Variants in WWOX observed in about 807,000 individuals in gnomAD.
WWOX encodes WW domain-containing oxidoreductase.
A neutral mutation model predicts 46.2 loss-of-function variants in WWOX; 69 were observed. The ratio of observed to expected loss-of-function variants is 1.49; its 90% CI spans 1.23 to 1.82. The LOEUF (loss-of-function observed/expected upper bound fraction) is 1.82, where lower values mean the gene tolerates loss of function less well. Ranked by LOEUF, WWOX falls within the 40% of genes most tolerant of loss-of-function variation. The probability of loss-of-function intolerance (pLI) is 0.00; values close to 1 mark genes in which losing one functional copy is unlikely to be tolerated. For missense variants in WWOX, 919 were observed against 542.6 expected (o/e 1.69, Z -6.89); for synonymous variants, 359 against 202.6 (o/e 1.77, Z -6.56).
rs558399089 is a variant in WWOX at position 78,109,459 on chromosome 16, C to T, written c.173-319C>T. The stretch of plus-strand genomic sequence containing the variant: ...GTATGAATGACGTTGGGTGCCTGCC[C>T]TGCATATACATATGTTCTTTGAGCT... On this transcript the variant is annotated intron_variant, in intron 2 of 8. Transcript: ENST00000566780. Among the ~76,000 whole-genome samples, 4 of 152,300 alleles carry T rather than the reference C, an allele frequency of 2.6e-5. No individual in the cohort carries two copies. The East Asian group carries it at 5.8e-4, about 22-fold the overall frequency.
At chr16:78,123,073 G>A (rs915938255) in intron 4 of WWOX, among the ~76,000 whole-genome samples, 14 of 152,050 alleles carry the variant, frequency 9.2e-5, no homozygotes, top group Non-Finnish European at 1.9e-4. Flanking sequence ...GTTAAATAAT[G>A]TCTTTTACTT....
intron 8 of WWOX, among the ~76,000 whole-genome samples, chr16:78,544,716 A>T (rs1389158147): frequency 1.3e-5 from 2 of 152,124 alleles, no homozygotes; most frequent in South Asian, 4.2e-4. Context: ...CTCTACAAAA[A>T]ATTTAAAAAT....
In WWOX at chr16:78,347,226, C is replaced by G. The variant is rs531533414; in HGVS notation, c.517-39634C>G. On this transcript the variant is annotated intron_variant, in intron 5 of 8. Transcript: ENST00000566780. ...CCGCCCCCTCCATTCTCTTTCCATC[C>G]TTTAAATGTCAGTGTCCCCCACAAT... Among the ~76,000 whole-genome samples, 6 of 115,926 alleles carry G rather than the reference C, an allele frequency of 5.2e-5. 1 individual carries two copies. Among genetic ancestry groups the G allele is most frequent in the East Asian group, 3.9e-4 (2 of 5,154 alleles). 76.1% of individuals were successfully genotyped at this position (115,926 alleles called of 152,430 possible). A position where few individuals can be genotyped will look rare whatever the true frequency, so the allele number is the denominator to read the frequency against.
rs189719370 is a variant in WWOX, at chr16:79,103,100, T to C, written c.1057-108508T>C. 2.9e-3 allele frequency among the ~76,000 whole-genome samples: 438 copies of C among 152,256 alleles called. 4 individuals are homozygous for C. The highest frequency in any genetic ancestry group is 0.01 in the African/African-American group (422 of 41,520). ...CCTCTGGCAAAGGCAAATATTCACC[T>C]AAGTGGTTAAGTCTCTGGGCATATT... On this transcript the variant is annotated intron_variant, in intron 8 of 8. Coordinates refer to ENST00000566780, the MANE Select transcript of WWOX (RefSeq NM_016373.4).
chr16:78,676,319 C>T (rs553859379), intron 8 of WWOX, among the ~76,000 whole-genome samples: 5 of 152,072 alleles, frequency 3.3e-5, no homozygotes, highest in Admixed American at 6.5e-5. Flanking sequence ...ACTTTGTCCC[C>T]TTTTGTTCCT....
chr16:79,102,796 T>C (rs1252531399), intron 8 of WWOX, among the ~76,000 whole-genome samples: 10 of 152,190 alleles, frequency 6.6e-5, no homozygotes, highest in Admixed American at 1.3e-4. Context: ...TCTTTCTAGC[T>C]CACTCCTGCC....
chr16:79,018,149 G>A (rs1015503883), intron 8 of WWOX, among the ~76,000 whole-genome samples: 9 of 152,180 alleles, frequency 5.9e-5, no homozygotes, highest in East Asian at 1.9e-4. Flanking sequence ...AGAATCTTCC[G>A]GTTAAACACG....
At chr16:78,771,064 C>G (rs972264216) in intron 8 of WWOX, among the ~76,000 whole-genome samples, 7 of 152,192 alleles carry the variant, frequency 4.6e-5, no homozygotes, top group Admixed American at 1.3e-4. Context: ...GCCCTCAGGT[C>G]AGCCGGCATG....
chr16:79,126,924 T>G (rs944739476), intron 8 of WWOX, among the ~76,000 whole-genome samples: 1 of 151,638 alleles, frequency 6.6e-6, no homozygotes, highest in Non-Finnish European at 1.5e-5. Flanking sequence ...AAGGAGAGAG[T>G]GGGAAGTAAT....
intron 8 of WWOX, among the ~76,000 whole-genome samples, chr16:78,923,385 A>G (rs1345776926): frequency 6.6e-6 from 1 of 152,164 alleles, no homozygotes. Flanking sequence ...TCATTCTAAA[A>G]ATAGAGCAGT....
chr16:78,530,806 T>A (rs1249733761), intron 8 of WWOX, among the ~76,000 whole-genome samples: 1 of 152,212 alleles, frequency 6.6e-6, no homozygotes, highest in Non-Finnish European at 1.5e-5. Context: ...GGCATCTAGC[T>A]GCTGCTAGAG....
At chr16:78,789,922 C>T (rs1175247569) in intron 8 of WWOX, among the ~76,000 whole-genome samples, 1 of 152,134 alleles carries the variant, frequency 6.6e-6, no homozygotes, top group Non-Finnish European at 1.5e-5. Flanking sequence ...CCAATTCTGC[C>T]ACTTATTGTG....
In WWOX at chr16:78,345,537, G is replaced by A. The variant is rs149351120; in HGVS notation, c.517-41323G>A. On this transcript the variant is annotated intron_variant, in intron 5 of 8. Transcript: ENST00000566780. ...GGCACACCTGTAGTCCCATCTACTC[G>A]GGAGGCTGAGGTGGGAAGTTTGAAC... Among the ~76,000 whole-genome samples the A allele has an allele frequency of 3.5e-4, 27 of 76,138 alleles. No individual in the cohort carries two copies. In the East Asian group the frequency reaches 5.8e-3, roughly 16 times the overall value. The allele number at this position is 76,138 out of a possible 152,430, so 49.9% of individuals were successfully genotyped here.
intron 8 of WWOX, among the ~76,000 whole-genome samples, chr16:79,141,697 C>G (rs2050092192): frequency 6.6e-6 from 1 of 151,432 alleles, no homozygotes; most frequent in Non-Finnish European, 1.5e-5. Flanking sequence ...GGTTGACTCT[C>G]CAGTGCTTCT....
At chr16:78,432,007 G>C (rs1327349776) in intron 7 of WWOX, among the ~76,000 whole-genome samples, 3 of 152,106 alleles carry the variant, frequency 2.0e-5, no homozygotes, top group Admixed American at 1.3e-4. Context: ...TGAGCCACCA[G>C]ACATGACCTG....
At chr16:78,459,875 G>A (rs988000306) in intron 8 of WWOX, among the ~76,000 whole-genome samples, 4 of 151,612 alleles carry the variant, frequency 2.6e-5, no homozygotes, top group African/African-American at 7.3e-5. Context: ...TGCAATCATG[G>A]CTCACTGCAG....
chr16:78,106,885 C>T (rs567898351), intron 1 of WWOX, among the ~76,000 whole-genome samples: 1 of 152,294 alleles, frequency 6.6e-6, no homozygotes, highest in Non-Finnish European at 1.5e-5. Flanking sequence ...GTGGCAGTAG[C>T]CCTGAGGAGA....
chr16:78,797,690 G>C (rs6564588), intron 8 of WWOX, among the ~76,000 whole-genome samples: 1 of 152,130 alleles, frequency 6.6e-6, no homozygotes, highest in Non-Finnish European at 1.5e-5. Flanking sequence ...AAATCTCCAG[G>C]CAAAAATCCA....
chr16:78,800,210 G>C (rs1351284612), intron 8 of WWOX, among the ~76,000 whole-genome samples: 1 of 151,510 alleles, frequency 6.6e-6, no homozygotes, highest in Admixed American at 6.6e-5. Flanking sequence ...CGGTAGATGC[G>C]ATTTTAATGA....
Sources: allele counts gnomAD v4.1 joint callset (sites outside exome capture counted in the v4.1 genomes callset), GRCh38; gene constraint gnomAD v4.1.1; transcripts MANE v1.5; gene names NCBI Gene and HGNC (gene_info 2026-07-23, HGNC 2026-07-21).